Variants in ABCG1 observed in about 807,000 individuals in gnomAD.
ABCG1 encodes the protein ATP binding cassette subfamily G member 1, also known as ATP-binding cassette sub-family G member 1.
A neutral mutation model predicts 69.2 loss-of-function variants in ABCG1; 29 were observed. That is an observed-to-expected ratio of 0.42 (90% CI 0.31 to 0.57). ABCG1 has a LOEUF of 0.57. Among genes scored for constraint, ABCG1 ranks in the 20% least tolerant of loss-of-function variants. The pLI, the probability that ABCG1 is intolerant of heterozygous loss-of-function variation, is 0.15. For missense variants in ABCG1, 718 were observed against 898.1 expected (o/e 0.80, Z 2.56); for synonymous variants, 370 against 374.8 (o/e 0.99, Z 0.15).
chr21:42,246,170 G>A (rs2068131720), intron 2 of ABCG1, among the ~76,000 whole-genome samples: 1 of 152,222 alleles, frequency 6.6e-6, no homozygotes, highest in South Asian at 2.1e-4. Context: ...TTTTGGATTT[G>A]CAGAACGGTG....
At chr21:42,226,366 C>T (rs2067817508) in intron 2 of ABCG1, among the ~76,000 whole-genome samples, 1 of 152,122 alleles carries the variant, frequency 6.6e-6, no homozygotes, top group Non-Finnish European at 1.5e-5. Context: ...CTCCAGAGAC[C>T]CATCTTGAAA....
chr21:42,228,326 T>C (rs2067850286), intron 2 of ABCG1, among the ~76,000 whole-genome samples: 1 of 152,162 alleles, frequency 6.6e-6, no homozygotes, highest in Admixed American at 6.5e-5. Context: ...TCTGCTGTGT[T>C]CCAGCTGCTG....
At chr21:42,215,304 T>C (rs1011518217), upstream of ABCG1, among the ~76,000 whole-genome samples, 4 of 152,228 alleles carry the variant, frequency 2.6e-5, no homozygotes, top group African/African-American at 9.6e-5. Context: ...GGCAGGATCC[T>C]CACGCCAGAG....
chr21:42,261,615 G>A (rs909902396), intron 2 of ABCG1, among the ~76,000 whole-genome samples: 10 of 152,304 alleles, frequency 6.6e-5, no homozygotes, highest in Middle Eastern at 3.4e-3. Context: ...GTGAGGAGAC[G>A]CATTGCCTCG....
intron 2 of ABCG1, among the ~76,000 whole-genome samples, chr21:42,232,390 G>C (rs570363812): frequency 1.3e-5 from 2 of 152,210 alleles, no homozygotes; most frequent in African/African-American, 4.8e-5. Context: ...TTAGTGTGGC[G>C]TTGTTAGCGG....
At chr21:42,295,976 G>A (rs888830973) in intron 14 of ABCG1, among the ~76,000 whole-genome samples, 188 bp from the exon 15 acceptor site, 1 of 152,190 alleles carries the variant, frequency 6.6e-6, no homozygotes, top group Admixed American at 6.5e-5. Context: ...AAAACATAGT[G>A]GAGCTGTTGC....
intron 2 of ABCG1, among the ~76,000 whole-genome samples, chr21:42,233,101 G>A (rs1268517655): frequency 2.0e-5 from 3 of 152,210 alleles, no homozygotes; most frequent in Admixed American, 2.0e-4. Flanking sequence ...GCAAAAAGAT[G>A]GGTTTTCAGT....
At position 42,219,911 on chromosome 21, in the gene ABCG1, C is replaced by T; in HGVS notation, c.42+607C>T. 1 of 1,549,422 alleles carries T rather than the reference C, an allele frequency of 6.5e-7. No homozygotes were observed. Among genetic ancestry groups the T allele is most frequent in the Admixed American group, 2.0e-5 (1 of 50,972 alleles). On this transcript the variant is annotated intron_variant, in intron 1 of 14. Transcript: ENST00000398449. The surrounding 1 kb of genome is among the most constrained non-coding windows in gnomAD (Gnocchi z 5.3). ...CCGGGGAGACCCGCGAGGGGCAAGCCCGGATTCCTGCCGGCCGCCTTTCTG... is the reference window on the plus strand; with the variant it reads ...CCGGGGAGACCCGCGAGGGGCAAGCTCGGATTCCTGCCGGCCGCCTTTCTG...
intron 2 of ABCG1, among the ~76,000 whole-genome samples, chr21:42,205,847 G>A (rs2123464702): frequency 6.6e-6 from 1 of 152,058 alleles, no homozygotes; most frequent in South Asian, 2.1e-4. Flanking sequence ...TTTCCCGACT[G>A]TTTTAGTTGT....
upstream of ABCG1, among the ~76,000 whole-genome samples, chr21:42,212,133 T>G (rs564046763): frequency 2.0e-5 from 3 of 152,160 alleles, no homozygotes; most frequent in South Asian, 2.1e-4. Context: ...TCTAGAAGTG[T>G]GAACAATACA....
At chr21:42,294,399 C>T (rs1242381638) in intron 13 of ABCG1, 143 bp from the exon 14 acceptor site, 3 of 708,248 alleles carry the variant, frequency 4.2e-6, no homozygotes, top group Non-Finnish European at 7.6e-6. Context: ...AACGCTGCAC[C>T]TTCTGCCACA....
chr21:42,273,510 C>A lies in ABCG1; in HGVS notation c.537+75C>A, dbSNP rs1413493509. 5.9e-6 allele frequency: 9 copies of A among 1,521,502 alleles called. No individual in the cohort carries two copies. Among genetic ancestry groups the A allele is most frequent in the Non-Finnish European group, 8.0e-6 (9 of 1,124,478 alleles). The allele number at this position is 1,521,502 out of a possible 1,614,324, so 94.3% of individuals were successfully genotyped here. A position where few individuals can be genotyped will look rare whatever the true frequency, so the allele number is the denominator to read the frequency against. ...GCGCCCACATTAGACACAGCACTGG[C>A]CGAGTGCCCAGCTGCGAGGGACCCA... On this transcript the variant is annotated intron_variant, in intron 4 of 14. Transcript: ENST00000398449. This position sits in a 1 kb window ranked among gnomAD's most constrained non-coding sequence, Gnocchi z 5.3.
chr21:42,215,653 A>C (rs2123481117), upstream of ABCG1, among the ~76,000 whole-genome samples: 1 of 152,340 alleles, frequency 6.6e-6, no homozygotes, highest in Non-Finnish European at 1.5e-5. Flanking sequence ...ACTGGCACCC[A>C]TCCCGAGAAG....
At chr21:42,227,866 A>C (rs542205111) in intron 2 of ABCG1, among the ~76,000 whole-genome samples, 1 of 152,112 alleles carries the variant, frequency 6.6e-6, no homozygotes, top group African/African-American at 2.4e-5. Context: ...GCATAAAAGA[A>C]CCCACACACA....
At position 42,291,400 on chromosome 21, in the gene ABCG1, G is replaced by A. The variant is rs532736316; in HGVS notation, c.1495-98G>A. The stretch of plus-strand genomic sequence containing the variant: ...AGGACCCGACTTTGGGAGCTCTGGC[G>A]GGAGCTGCGGGGAAGGGCTGGCTGC... On this transcript the variant is annotated intron_variant, in intron 12 of 14. Coordinates refer to ENST00000398449, the MANE Select transcript of ABCG1 (RefSeq NM_016818.3). This position sits in a 1 kb window ranked among gnomAD's most constrained non-coding sequence, Gnocchi z 6.4. 20 of 1,503,098 alleles carry A rather than the reference G, an allele frequency of 1.3e-5. No homozygotes were observed. The highest frequency in any genetic ancestry group is 4.1e-5 in the African/African-American group (3 of 72,666). The allele number at this position is 1,503,098 out of a possible 1,614,324, so 93.1% of individuals were successfully genotyped here.
chr21:42,248,714 C>T (rs2068172497), intron 2 of ABCG1, among the ~76,000 whole-genome samples: 1 of 151,492 alleles, frequency 6.6e-6, no homozygotes, highest in Non-Finnish European at 1.5e-5. Context: ...ATGGCGAAAC[C>T]CTGCCTCTGC....
rs1366871411 is a variant in ABCG1, at chr21:42,227,848, G to C, written c.286+1934G>C. 5.9e-5 allele frequency among the ~76,000 whole-genome samples: 9 copies of C among 152,238 alleles called. No individual in the cohort carries two copies. In the East Asian group the frequency reaches 1.7e-3, roughly 29 times the overall value. Reference sequence around the variant, plus strand: ...GTGGCATGGGGTGAGGGGAGAGAGAGAGAGAGAGCATAAAAGAACCCACAC... The same window carrying C: ...GTGGCATGGGGTGAGGGGAGAGAGACAGAGAGAGCATAAAAGAACCCACAC... On this transcript the variant is annotated intron_variant, in intron 2 of 14. Transcript: ENST00000398449.
At chr21:42,292,023 C>G (rs368159446) in intron 13 of ABCG1, among the ~76,000 whole-genome samples, 1 of 152,158 alleles carries the variant, frequency 6.6e-6, no homozygotes, top group South Asian at 2.1e-4. Context: ...ACAGCTGACT[C>G]GGGAGCCAAG....
intron 2 of ABCG1, among the ~76,000 whole-genome samples, chr21:42,270,783 G>C (rs1272358785): frequency 6.6e-6 from 1 of 152,116 alleles, no homozygotes; most frequent in East Asian, 1.9e-4. Flanking sequence ...GGGAATGGTG[G>C]ATTCCCCATA....
Sources: gnomAD v4.1 joint callset for allele counts (sites outside exome capture counted in the v4.1 genomes callset) on GRCh38, gnomAD v4.1.1 for gene constraint, Gnocchi (gnomAD v3.1) non-coding constraint, MANE v1.5 for transcripts, NCBI Gene and HGNC (gene_info 2026-07-23, HGNC 2026-07-21) for gene names.